The following DSE variants were observed in gnomAD, a reference collection of about 807,000 sequenced individuals.
DSE encodes dermatan sulfate epimerase.
In DSE, 36 loss-of-function variants were observed where a neutral mutation model predicts 84.4. The observed-to-expected ratio is 0.43, with a 90% CI of 0.33 to 0.56. DSE has a LOEUF of 0.56. DSE is among the 20% of genes least tolerant of loss of function. DSE has a pLI of 0.06. For synonymous variants in DSE, 410 were observed against 430.1 expected (o/e 0.95, Z 0.58); for missense variants, 862 against 1,169.6 (o/e 0.74, Z 3.84).
At chr6:116,407,916 A>G (rs1782038589) in intron 2 of DSE, among the ~76,000 whole-genome samples, 1 of 152,186 alleles carries the variant, frequency 6.6e-6, no homozygotes, top group Admixed American at 6.5e-5. Context: ...ACCATGTGGC[A>G]CTGGTATTTT....
At chr6:116,310,536 C>T (rs888043285) in intron 2 of DSE, among the ~76,000 whole-genome samples, 4 of 152,276 alleles carry the variant, frequency 2.6e-5, no homozygotes, top group South Asian at 2.1e-4. Flanking sequence ...TCTTGGTCCA[C>T]GGCTCCACAA....
intron 5 of DSE, among the ~76,000 whole-genome samples, chr6:116,433,917 T>C (rs1264407432): frequency 6.6e-6 from 1 of 152,154 alleles, no homozygotes; most frequent in Admixed American, 6.5e-5. Context: ...ATTTCATAAA[T>C]AAGCATGTTT....
At chr6:116,386,934 A>C (rs1453028418) in intron 1 of DSE, among the ~76,000 whole-genome samples, 1 of 152,226 alleles carries the variant, frequency 6.6e-6, no homozygotes, top group East Asian at 1.9e-4. Context: ...TTAGAGAGTA[A>C]ACTTATAGTA....
intron 2 of DSE, among the ~76,000 whole-genome samples, chr6:116,264,264 A>G (rs917426018): frequency 4.6e-5 from 7 of 152,164 alleles, no homozygotes; most frequent in African/African-American, 1.4e-4. Context: ...ACATAATCCC[A>G]TATTTCTCAG....
intron 2 of DSE, among the ~76,000 whole-genome samples, chr6:116,324,029 A>G (rs1010021626): frequency 6.6e-6 from 1 of 152,172 alleles, no homozygotes; most frequent in African/African-American, 2.4e-5. Flanking sequence ...GAGGCAAGGT[A>G]AGAGGACAAA....
intron 2 of DSE, among the ~76,000 whole-genome samples, chr6:116,347,594 T>C (rs1415284588): frequency 1.3e-5 from 2 of 152,012 alleles, no homozygotes; most frequent in African/African-American, 4.8e-5. Flanking sequence ...TAGCCATATG[T>C]AGAAAGCTGA....
Position 116,436,594 on chromosome 6 carries a change from T to C in DSE, c.2126T>C (p.Phe709Ser). Reference sequence around the variant, plus strand: ...GGTGAGGCCACAGGACAGTCTGCCTTTGCACAGGTCATTGCTGATCGTCAC... The same window carrying C: ...GGTGAGGCCACAGGACAGTCTGCCTCTGCACAGGTCATTGCTGATCGTCAC... ...WTGEATGQSA[F>S]AQVIADRHKI... is the part of the protein sequence containing the mutation. Residue 709 changes from phenylalanine (F) to serine (S), a missense_variant, in exon 6 of 6, where the codon TTT becomes TCT. This residue lies in a region of DSE where 315 missense variants were observed against 348.1 expected (regional missense o/e 0.90). Coordinates refer to ENST00000644252, the MANE Select transcript of DSE (RefSeq NM_013352.4). The C allele has an allele frequency of 6.2e-7, 1 of 1,614,162 alleles. No homozygotes were observed. The highest frequency in any genetic ancestry group is 8.5e-7 in the Non-Finnish European group (1 of 1,180,022).
rs578084725 is a variant in DSE, at chr6:116,293,256, AG to A, written c.-54+34291del. Among the ~76,000 whole-genome samples, 24 of 151,480 alleles carry A rather than the reference AG, an allele frequency of 1.6e-4. 1 individual carries two copies. The East Asian group carries it at 4.5e-3, about 28-fold the overall frequency. On this transcript the variant is annotated intron_variant, in intron 2 of 3. Transcript: ENST00000430252. Reference sequence around the variant, plus strand: ...TGATATTGAGTTCAAGGTGAATTAAAGGTTTTTCCTTTTCTTTTTTTCTTTT... The same window carrying A: ...TGATATTGAGTTCAAGGTGAATTAAAGTTTTTCCTTTTCTTTTTTTCTTTT...
rs532681577 is a variant in DSE, at chr6:116,395,431, A to C, written c.-53-3767A>C. Among the ~76,000 whole-genome samples the C allele has an allele frequency of 5.5e-3, 821 of 149,070 alleles. 14 individuals are homozygous for C. The highest frequency in any genetic ancestry group is 0.019 in the African/African-American group (766 of 40,362). On this transcript the variant is annotated intron_variant, in intron 1 of 5. Transcript: ENST00000644252. ...CAGAGCGAGACTCCGTCTAAAAAAT[A>C]AAGAAAGTGGGAGGGTTGGGGCTGA...
chr6:116,392,383 G>A (rs1266413921), intron 1 of DSE, among the ~76,000 whole-genome samples: 3 of 152,076 alleles, frequency 2.0e-5, no homozygotes, highest in African/African-American at 7.2e-5. Context: ...TTCATTTGTC[G>A]GGTCTGCCTG....
chr6:116,430,835 A>C (rs1028639564), intron 3 of DSE, 119 bp from the exon 4 acceptor site: 5 of 1,416,240 alleles, frequency 3.5e-6, no homozygotes, highest in Non-Finnish European at 4.7e-6. Context: ...TTGGAGTTTT[A>C]CAAAACGCGA....
chr6:116,267,574 C>A (rs1036860064), intron 2 of DSE, among the ~76,000 whole-genome samples: 1 of 151,824 alleles, frequency 6.6e-6, no homozygotes, highest in African/African-American at 2.4e-5. Context: ...AAAGTTAAAA[C>A]ATAAAGTAAA....
rs528973747 is a variant in DSE, at chr6:116,436,263, G to A, written c.1795G>A (p.Val599Ile). 8 of 1,614,102 alleles carry A rather than the reference G, an allele frequency of 5.0e-6. No individual in the cohort carries two copies. In the South Asian group the frequency reaches 8.8e-5, roughly 18 times the overall value. Residue 599 changes from valine (V) to isoleucine (I), a missense_variant, in exon 6 of 6, where the codon GTA becomes ATA. Physicochemically the swap from Val to Ile is conservative, Grantham distance 29. Coordinates refer to ENST00000644252, the MANE Select transcript of DSE (RefSeq NM_013352.4). ...GGATGTTCCTTTTGAGGAGACTGTG[G>A]TAGATGGTGTCCATGGGGCTTTCAT... Reference protein sequence around the residue: ...NVDVPFEETVVDGVHGAFIRQ... With the variant: ...NVDVPFEETVIDGVHGAFIRQ...
rs1554209343 is a variant in DSE, at chr6:116,299,551, T to TATACACACAC, written c.-54+40585_-54+40586insTACACACACA. Among the ~76,000 whole-genome samples, 8 of 53,676 alleles carry TATACACACAC rather than the reference T, an allele frequency of 1.5e-4. 1 individual carries two copies. The highest frequency in any genetic ancestry group is 2.3e-4 in the Non-Finnish European group (8 of 34,100). The allele number at this position is 53,676 out of a possible 152,430, so 35.2% of individuals were successfully genotyped here. On this transcript the variant is annotated intron_variant, in intron 2 of 3. Coordinates refer to the DSE transcript ENST00000430252. ...ATATATATATATATATATATATATA[T>TATACACACAC]ACACATACACACACACACACACATA...
At chr6:116,348,670 G>A (rs2114844296) in intron 2 of DSE, among the ~76,000 whole-genome samples, 1 of 152,264 alleles carries the variant, frequency 6.6e-6, no homozygotes, top group South Asian at 2.1e-4. Flanking sequence ...AAAGACACAT[G>A]CACACGTATG....
intron 2 of DSE, among the ~76,000 whole-genome samples, chr6:116,288,669 T>G (rs902459786): frequency 5.3e-5 from 8 of 152,220 alleles, no homozygotes; most frequent in African/African-American, 1.9e-4. Context: ...AGTAAAAAAT[T>G]CAGTTCATCA....
chr6:116,370,995 CGGGGGCGCGGA>C lies in DSE; in HGVS notation c.-176_-166del. On this transcript the variant is annotated 5_prime_UTR_variant, in exon 1 of 6. The change abolishes the stop of an existing upstream ORF in the 5' untranslated region. Transcript: ENST00000644252. ...CAGCGCATCCCGGGGCATGGCGCGG[CGGGGGCGCGGA>C]GGGCTCGGTTCGGAGGGGGCCGGGA... is the stretch of plus-strand genomic sequence containing the variant. 1.0e-6 allele frequency: 1 copy of C among 985,540 alleles called. No homozygotes were observed. Among genetic ancestry groups the C allele is most frequent in the Non-Finnish European group, 1.2e-6 (1 of 830,118 alleles). The allele number at this position is 985,540 out of a possible 1,614,324, so 61.0% of individuals were successfully genotyped here.
At chr6:116,421,887 A>G (rs75666381) in intron 2 of DSE, among the ~76,000 whole-genome samples, 1,716 of 152,272 alleles carry the variant, frequency 0.011, 43 homozygotes, top group African/African-American at 0.038. Context: ...TGTGAAGAAA[A>G]TCCAGCCTCA....
chr6:116,341,652 CT>C (rs1239287163), intron 2 of DSE, among the ~76,000 whole-genome samples: 2 of 152,148 alleles, frequency 1.3e-5, no homozygotes, highest in Admixed American at 1.3e-4. Context: ...TTTAATCCAT[CT>C]TGAATTAATT....
Sources: allele counts gnomAD v4.1 joint callset (sites outside exome capture counted in the v4.1 genomes callset), GRCh38; gene constraint gnomAD v4.1.1; regional missense constraint gnomAD v4.1.1; transcripts MANE v1.5; gene names NCBI Gene and HGNC (gene_info 2026-07-23, HGNC 2026-07-21).